The following WWOX variants were observed in gnomAD, a reference collection of about 807,000 sequenced individuals.
The protein encoded by WWOX is WW domain containing oxidoreductase.
In WWOX, 69 loss-of-function variants were observed where a neutral mutation model predicts 46.2. That is an observed-to-expected ratio of 1.49 (90% CI 1.23 to 1.82). WWOX has a LOEUF of 1.82. Ranked by LOEUF, WWOX falls within the 40% of genes most tolerant of loss-of-function variation. The probability of loss-of-function intolerance (pLI) is 0.00; values close to 1 mark genes in which losing one functional copy is unlikely to be tolerated. For missense variants in WWOX, 919 were observed against 542.6 expected, an observed-to-expected ratio of 1.69 and a Z score of -6.89; for synonymous variants, 359 against 202.6, an observed-to-expected ratio of 1.77 and a Z score of -6.56.
In WWOX at chr16:78,432,586, A is replaced by G. The variant is rs766532492; in HGVS notation, c.890A>G (p.Lys297Arg). Residue 297 changes from lysine to arginine, a missense_variant, in exon 8 of 9, where the codon AAG (lysine) becomes AGG (arginine). By Grantham distance (26) the Lys-to-Arg change is conservative. Transcript: ENST00000566780. ...YWAMLAYNRS[K>R]LCNILFSNEL... Reference sequence around the variant, plus strand: ...GCGATGCTGGCTTATAACAGGTCCAAGCTCTGCAACATCCTCTTCTCCAAC... The same window carrying G: ...GCGATGCTGGCTTATAACAGGTCCAGGCTCTGCAACATCCTCTTCTCCAAC... 1 of 1,614,100 alleles carries G rather than the reference A, an allele frequency of 6.2e-7. No homozygotes were observed. The highest frequency in any genetic ancestry group is 8.5e-7 in the Non-Finnish European group (1 of 1,180,056).
intron 5 of WWOX, among the ~76,000 whole-genome samples, chr16:78,329,890 G>C (rs1292167198): frequency 6.6e-6 from 1 of 151,886 alleles, no homozygotes; most frequent in East Asian, 1.9e-4. Context: ...GGGACTACAG[G>C]CGTGTACCAC....
chr16:79,131,120 A>G (rs2049869432), intron 8 of WWOX, among the ~76,000 whole-genome samples: 1 of 152,186 alleles, frequency 6.6e-6, no homozygotes, highest in South Asian at 2.1e-4. Context: ...GACAGACTCC[A>G]TGCTGCCCCT....
chr16:78,245,482 G>A (rs2037789164), intron 5 of WWOX, among the ~76,000 whole-genome samples: 2 of 152,328 alleles, frequency 1.3e-5, no homozygotes, highest in East Asian at 1.9e-4. Flanking sequence ...AATCTACCAT[G>A]TAATTGAGAG....
chr16:78,671,745 A>G (rs770220378), intron 8 of WWOX, among the ~76,000 whole-genome samples: 3 of 152,214 alleles, frequency 2.0e-5, no homozygotes, highest in Non-Finnish European at 2.9e-5. Flanking sequence ...TTAGAATGCT[A>G]TTATTTAGAA....
chr16:78,458,055 T>TGA (rs973365167), intron 8 of WWOX, among the ~76,000 whole-genome samples: 2 of 119,956 alleles, frequency 1.7e-5, no homozygotes, highest in Admixed American at 7.3e-5. Flanking sequence ...CCAGCCTGGG[T>TGA]GACAAAAAAA....
In WWOX at chr16:78,342,469, A is replaced by C. The variant is rs1375052329; in HGVS notation, c.517-44391A>C. ...CAGCATTTTTTATGGGCAGGTTTGC[A>C]CGTGGCATTTGTTGCTTCCATCAAC... On this transcript the variant is annotated intron_variant, in intron 5 of 8. Transcript: ENST00000566780. Among the ~76,000 whole-genome samples the C allele has an allele frequency of 7.5e-5, 9 of 120,178 alleles. 3 individuals are homozygous for C. 78.8% of individuals were successfully genotyped at this position (120,178 alleles called of 152,430 possible).
At chr16:78,318,533 AAC>A (rs1165138076) in intron 5 of WWOX, among the ~76,000 whole-genome samples, 2 of 152,168 alleles carry the variant, frequency 1.3e-5, no homozygotes, top group African/African-American at 4.8e-5. Flanking sequence ...AAATGTTAAG[AAC>A]ACAACATTTA....
chr16:79,073,329 G>A (rs988395741), intron 8 of WWOX, among the ~76,000 whole-genome samples: 8 of 151,906 alleles, frequency 5.3e-5, no homozygotes, highest in African/African-American at 1.5e-4. Flanking sequence ...ACAGGTGCAC[G>A]CCGCCATGCC....
At chr16:78,261,447 G>T (rs1282383263) in intron 5 of WWOX, among the ~76,000 whole-genome samples, 1 of 134,556 alleles carries the variant, frequency 7.4e-6, no homozygotes, top group Non-Finnish European at 1.6e-5. Flanking sequence ...TTTTGTAAAA[G>T]GTATCATAGC....
chr16:78,100,041 C>T (rs1293658306), intron 1 of WWOX, 156 bp downstream of exon 1: 1 of 1,430,092 alleles, frequency 7.0e-7, no homozygotes, highest in African/African-American at 1.5e-5. Flanking sequence ...CCAGGGTTCC[C>T]AGTAGGGGCC....
chr16:78,657,079 A>G (rs553211353), intron 8 of WWOX, among the ~76,000 whole-genome samples: 1 of 152,270 alleles, frequency 6.6e-6, no homozygotes, highest in South Asian at 2.1e-4. Context: ...GAGTGGTGCC[A>G]TCATTCATGC....
At chr16:78,726,817 T>C (rs1597500219) in intron 8 of WWOX, among the ~76,000 whole-genome samples, 1 of 152,054 alleles carries the variant, frequency 6.6e-6, no homozygotes, top group East Asian at 1.9e-4. Context: ...AATAGTTCTA[T>C]GGAAATAGGA....
At chr16:78,927,107 C>G (rs544762942) in intron 8 of WWOX, among the ~76,000 whole-genome samples, 1 of 152,192 alleles carries the variant, frequency 6.6e-6, no homozygotes, top group South Asian at 2.1e-4. Flanking sequence ...AGGCACCATT[C>G]TTGACTGCGA....
At chr16:78,542,048 T>TAAAAAAAAAAAAAAAAAAAA (rs1329800001) in intron 8 of WWOX, among the ~76,000 whole-genome samples, 1 of 56,218 alleles carries the variant, frequency 1.8e-5, no homozygotes. Flanking sequence ...AAAAAAAAAG[T>TAAAAAAAAAAAAAAAAAAAA]AAATTGCACA....
intron 8 of WWOX, among the ~76,000 whole-genome samples, chr16:78,779,172 AG>A (rs1327454553): frequency 6.6e-6 from 1 of 152,134 alleles, no homozygotes; most frequent in Non-Finnish European, 1.5e-5. Flanking sequence ...TTTTTGAGAC[AG>A]GGTCTTTGTT....
At chr16:78,971,810 A>G (rs1385799458) in intron 8 of WWOX, among the ~76,000 whole-genome samples, 1 of 152,008 alleles carries the variant, frequency 6.6e-6, no homozygotes, top group African/African-American at 2.4e-5. Context: ...CATCTGTTAA[A>G]TGCCATTTAA....
intron 8 of WWOX, among the ~76,000 whole-genome samples, chr16:79,083,238 C>G (rs1388685688): frequency 1.3e-5 from 2 of 152,104 alleles, no homozygotes; most frequent in African/African-American, 2.4e-5. Flanking sequence ...ATTGCCATTG[C>G]CATGTGATTT....
chr16:78,556,071 C>T (rs1457359799), intron 8 of WWOX, among the ~76,000 whole-genome samples: 1 of 151,932 alleles, frequency 6.6e-6, no homozygotes, highest in Non-Finnish European at 1.5e-5. Context: ...TCCATTATTT[C>T]CTGAAGATTC....
chr16:78,791,419 C>A (rs111516523), intron 8 of WWOX, among the ~76,000 whole-genome samples: 33 of 152,234 alleles, frequency 2.2e-4, no homozygotes, highest in African/African-American at 7.5e-4. Flanking sequence ...TCATTCATCT[C>A]CTGAAACGTA....
Sources: gnomAD v4.1 joint callset for allele counts (sites outside exome capture counted in the v4.1 genomes callset) on GRCh38, gnomAD v4.1.1 for gene constraint, MANE v1.5 for transcripts, NCBI Gene and HGNC (gene_info 2026-07-23, HGNC 2026-07-21) for gene names.